TTC39B: variants seen among roughly 807,000 people sequenced by gnomAD.
TTC39B encodes tetratricopeptide repeat domain 39B.
TTC39B carries 92 observed loss-of-function variants against 96.6 expected under a neutral mutation model. The observed-to-expected ratio is 0.95, with a 90% confidence interval of 0.80 to 1.13. TTC39B has a LOEUF of 1.13. Ranked by LOEUF, TTC39B falls within the 50% of genes most tolerant of loss-of-function variation. The pLI, the probability that TTC39B is intolerant of heterozygous loss-of-function variation, is 0.00. For missense variants in TTC39B, 955 were observed against 809.3 expected (o/e 1.18, Z -2.18); for synonymous variants, 367 against 299.4 (o/e 1.23, Z -2.33).
chr9:15,178,009 A>G lies in TTC39B; in HGVS notation c.1724-195T>C, dbSNP rs1456733928. Among the ~76,000 whole-genome samples, 3 of 151,470 alleles carry G rather than the reference A, an allele frequency of 2.0e-5. No homozygotes were observed. The East Asian group carries it at 5.9e-4, about 30-fold the overall frequency. On this transcript the variant is annotated intron_variant, in intron 17 of 19. Coordinates refer to ENST00000512701, the Ensembl canonical transcript of TTC39B. ...CTCAGCCTCCCGAGTAGCTGGGACT[A>G]CAGGTGCCCACCACCACGCCCGGCT...
chr9:15,224,049 G>C (rs1435009788), intron 3 of TTC39B, among the ~76,000 whole-genome samples: 2 of 151,916 alleles, frequency 1.3e-5, no homozygotes, highest in Non-Finnish European at 2.9e-5. Context: ...AGTAAAACTA[G>C]CAAGAAAGAT....
intron 1 of TTC39B, among the ~76,000 whole-genome samples, chr9:15,281,705 C>T (rs1401363177): frequency 7.0e-6 from 1 of 143,194 alleles, no homozygotes; most frequent in African/African-American, 2.7e-5. Flanking sequence ...GAGACAGGGT[C>T]TCACTCTGTC....
intron 17 of TTC39B, among the ~76,000 whole-genome samples, chr9:15,181,034 G>C (rs921318378): frequency 1.3e-5 from 2 of 152,140 alleles, no homozygotes; most frequent in Non-Finnish European, 2.9e-5. Flanking sequence ...GGGTGGAGGA[G>C]AGTGACTTGG....
At chr9:15,279,058 T>C (rs1160542864) in intron 1 of TTC39B, among the ~76,000 whole-genome samples, 2 of 152,360 alleles carry the variant, frequency 1.3e-5, no homozygotes, top group African/African-American at 4.8e-5. Context: ...TACCACTTAA[T>C]TTACAGCATT....
intron 1 of TTC39B, among the ~76,000 whole-genome samples, chr9:15,277,940 C>T (rs1823609535): frequency 6.6e-6 from 1 of 152,082 alleles, no homozygotes; most frequent in South Asian, 2.1e-4. Flanking sequence ...TCGGAATTTC[C>T]AACAACCAGC....
chr9:15,222,935 T>C (rs1007639803), intron 3 of TTC39B, among the ~76,000 whole-genome samples: 12 of 152,166 alleles, frequency 7.9e-5, no homozygotes, highest in Non-Finnish European at 7.3e-5. Flanking sequence ...TGAAGAGATG[T>C]GGTAAGAGGA....
At chr9:15,268,500 T>C (rs1184006543) in intron 1 of TTC39B, among the ~76,000 whole-genome samples, 2 of 151,990 alleles carry the variant, frequency 1.3e-5, no homozygotes, top group Non-Finnish European at 2.9e-5. Context: ...TCATATGCAC[T>C]CAGAAGACCA....
chr9:15,268,140 C>T (rs574964191), intron 1 of TTC39B, among the ~76,000 whole-genome samples, 192 bp from the exon 2 acceptor site: 17 of 151,806 alleles, frequency 1.1e-4, no homozygotes, highest in African/African-American at 2.9e-4. Context: ...ATTTCAGTGA[C>T]GTTTAATTTT....
intron 1 of TTC39B, among the ~76,000 whole-genome samples, chr9:15,280,657 G>A (rs1448554530): frequency 6.6e-6 from 1 of 152,182 alleles, no homozygotes; most frequent in Non-Finnish European, 1.5e-5. Flanking sequence ...GCAGCCTCCT[G>A]GCCCTTGGTA....
chr9:15,275,474 C>G (rs576546146), intron 1 of TTC39B, among the ~76,000 whole-genome samples: 9 of 152,218 alleles, frequency 5.9e-5, no homozygotes, highest in Non-Finnish European at 1.2e-4. Flanking sequence ...TATGGAGTAA[C>G]GGGCATTTTA....
At position 15,238,141 on chromosome 9, in the gene TTC39B, A is replaced by T. The variant is rs146782929; in HGVS notation, c.276-12129T>A. ...AAATAATAAGAGCCATATATGACAA[A>T]CCCACAGCCAACATCATATGGAATT... On this transcript the variant is annotated intron_variant, in intron 2 of 19. Transcript: ENST00000512701. 9.0e-4 allele frequency among the ~76,000 whole-genome samples: 137 copies of T among 152,300 alleles called. 2 individuals carry two copies. The East Asian group carries it at 0.026, about 29-fold the overall frequency.
intron 2 of TTC39B, among the ~76,000 whole-genome samples, chr9:15,251,345 C>T (rs972870651): frequency 1.3e-5 from 2 of 151,958 alleles, no homozygotes; most frequent in African/African-American, 2.4e-5. Flanking sequence ...GGTGGATCAC[C>T]TGAGGTTGGG....
chr9:15,277,554 T>C (rs1416651973), intron 1 of TTC39B, among the ~76,000 whole-genome samples: 1 of 152,074 alleles, frequency 6.6e-6, no homozygotes, highest in African/African-American at 2.4e-5. Context: ...TGGTGAGACC[T>C]TGGCCAACAC....
chr9:15,233,610 G>A (rs973085895), intron 2 of TTC39B, among the ~76,000 whole-genome samples: 1 of 152,058 alleles, frequency 6.6e-6, no homozygotes, highest in South Asian at 2.1e-4. Context: ...CGCCAGCCTC[G>A]GCCTCCCGAG....
At chr9:15,178,294 T>A (rs1818067040) in intron 17 of TTC39B, among the ~76,000 whole-genome samples, 1 of 152,146 alleles carries the variant, frequency 6.6e-6, no homozygotes, top group African/African-American at 2.4e-5. Context: ...TGAAAAGAAC[T>A]GGGCACAGTG....
At chr9:15,210,004 T>C in intron 6 of TTC39B, 84 bp downstream of exon 6, 1 of 970,068 alleles carries the variant, frequency 1.0e-6, no homozygotes, top group East Asian at 2.4e-5. Context: ...CCATTTACTT[T>C]ATATACTTCA....
chr9:15,177,926 G>T (rs1435747227), intron 17 of TTC39B, 112 bp from the exon 18 acceptor site: 6 of 602,086 alleles, frequency 1.0e-5, no homozygotes, highest in Non-Finnish European at 1.6e-5. Flanking sequence ...CTGGAGTGCA[G>T]TGGCGCAATC....
chr9:15,180,273 G>C (rs562081614), intron 17 of TTC39B, among the ~76,000 whole-genome samples: 50 of 152,278 alleles, frequency 3.3e-4, no homozygotes, highest in African/African-American at 9.1e-4. Context: ...AAGTCATAAA[G>C]TCAGTATCAC....
chr9:15,176,032 C>T (rs576781006), intron 18 of TTC39B, among the ~76,000 whole-genome samples: 146 of 152,284 alleles, frequency 9.6e-4, no homozygotes, highest in Middle Eastern at 3.4e-3. Flanking sequence ...AATAGGCCTG[C>T]CCACATTGAA....
Sources: allele counts gnomAD v4.1 joint callset (sites outside exome capture counted in the v4.1 genomes callset), GRCh38; gene constraint gnomAD v4.1.1; transcripts MANE v1.5; gene names NCBI Gene and HGNC (gene_info 2026-07-23, HGNC 2026-07-21).